Variants in PDE4D observed in about 807,000 individuals in gnomAD.
PDE4D encodes the protein phosphodiesterase 4D.
In PDE4D, 24 loss-of-function variants were observed where a neutral mutation model predicts 87.4. The observed-to-expected ratio is 0.27, with a 90% CI of 0.20 to 0.39. The LOEUF is 0.39. Among genes scored for constraint, PDE4D ranks in the 10% least tolerant of loss-of-function variants. The pLI, the probability that PDE4D is intolerant of heterozygous loss-of-function variation, is 1.00. For synonymous variants in PDE4D, 384 were observed against 383.2 expected, an observed-to-expected ratio of 1.00 and a Z score of -0.02; for missense variants, 714 against 1,041.0, an observed-to-expected ratio of 0.69 and a Z score of 4.32.
At chr5:59,079,205 AG>A (rs1041650554) in intron 5 of PDE4D, among the ~76,000 whole-genome samples, 34 of 152,226 alleles carry the variant, frequency 2.2e-4, no homozygotes, top group African/African-American at 8.0e-4. Flanking sequence ...AGCATGAAAA[AG>A]GACTTTCTCA....
intron 1 of PDE4D, among the ~76,000 whole-genome samples, chr5:59,648,736 T>A (rs796087312): frequency 1.1e-4 from 15 of 142,578 alleles, no homozygotes; most frequent in African/African-American, 3.9e-4. Flanking sequence ...AAAAAAAAAA[T>A]AAGGTTTAAT....
At chr5:59,631,654 T>G in intron 1 of PDE4D, among the ~76,000 whole-genome samples, 1 of 152,002 alleles carries the variant, frequency 6.6e-6, no homozygotes, top group East Asian at 1.9e-4. Context: ...GCTCGGGAAC[T>G]CCCTCCTCTA....
chr5:60,473,112 AGAGAG>A, intron 1 of PDE4D, among the ~76,000 whole-genome samples: 3 of 113,344 alleles, frequency 2.6e-5, no homozygotes, highest in Admixed American at 2.5e-4. Context: ...AAAGAAAGAG[AGAGAG>A]AGAAAGAAAG....
At chr5:60,345,446 TAATAAATA>T (rs35806424) in intron 1 of PDE4D, among the ~76,000 whole-genome samples, 11 of 148,350 alleles carry the variant, frequency 7.4e-5, no homozygotes, top group Non-Finnish European at 4.5e-5. Flanking sequence ...TAAAGTATAA[TAATAAATA>T]AATAAATAAA....
chr5:60,512,739 C>G (rs779608501), intron 1 of PDE4D, among the ~76,000 whole-genome samples: 1 of 152,086 alleles, frequency 6.6e-6, no homozygotes, highest in Non-Finnish European at 1.5e-5. Flanking sequence ...TGAGAGATTC[C>G]TCAGCAGCTT....
chr5:59,991,137 G>A (rs1582076021), intron 2 of PDE4D, among the ~76,000 whole-genome samples: 1 of 152,248 alleles, frequency 6.6e-6, no homozygotes, highest in East Asian at 1.9e-4. Flanking sequence ...CATTAGAAAT[G>A]AATGACAATC....
intron 1 of PDE4D, among the ~76,000 whole-genome samples, chr5:60,421,332 T>C (rs1743081175): frequency 6.6e-6 from 1 of 152,152 alleles, no homozygotes; most frequent in Non-Finnish European, 1.5e-5. Context: ...GCACGAAGCT[T>C]ATGGAGGAAG....
upstream of PDE4D, among the ~76,000 whole-genome samples, chr5:59,894,564 G>T (rs781000645): frequency 1.3e-5 from 2 of 152,130 alleles, no homozygotes; most frequent in African/African-American, 2.4e-5. Flanking sequence ...AAATCAAGGC[G>T]AGTCGTCCTT....
intron 1 of PDE4D, among the ~76,000 whole-genome samples, chr5:59,297,851 C>G (rs755496351): frequency 3.9e-5 from 6 of 152,074 alleles, no homozygotes; most frequent in Non-Finnish European, 5.9e-5. Flanking sequence ...AGGCAATTTC[C>G]TTGAGAAGAA....
chr5:59,717,433 A>C (rs539822877), intron 1 of PDE4D, among the ~76,000 whole-genome samples: 111 of 152,348 alleles, frequency 7.3e-4, no homozygotes, highest in African/African-American at 2.6e-3. Context: ...ATTTCTTATA[A>C]ATACTGTTTG....
chr5:60,416,472 C>T (rs554027564), intron 1 of PDE4D, among the ~76,000 whole-genome samples: 11 of 152,102 alleles, frequency 7.2e-5, no homozygotes, highest in African/African-American at 2.7e-4. Context: ...CCAGCGAGAC[C>T]ACAAACCCAC....
At chr5:60,444,939 G>T (rs1275828331) in intron 1 of PDE4D, among the ~76,000 whole-genome samples, 1 of 151,028 alleles carries the variant, frequency 6.6e-6, no homozygotes, top group African/African-American at 2.4e-5. Context: ...TCACCGAAAT[G>T]GTGTCTACAA....
chr5:59,401,333 C>T (rs1226902983), intron 1 of PDE4D, among the ~76,000 whole-genome samples: 3 of 152,094 alleles, frequency 2.0e-5, no homozygotes, highest in Non-Finnish European at 4.4e-5. Flanking sequence ...TAGACCTGCA[C>T]ACCTGTAGAT....
chr5:60,055,137 C>T (rs180696626), intron 2 of PDE4D, among the ~76,000 whole-genome samples: 14 of 152,006 alleles, frequency 9.2e-5, no homozygotes, highest in East Asian at 7.7e-4. Context: ...TTGGCAGCTC[C>T]GAGAGACCAG....
intron 1 of PDE4D, among the ~76,000 whole-genome samples, chr5:59,331,715 C>T (rs1776759357): frequency 6.6e-6 from 1 of 152,164 alleles, no homozygotes; most frequent in African/African-American, 2.4e-5. Flanking sequence ...GAATCCAAGG[C>T]CTGTTGCCCC....
chr5:60,164,173 T>C (rs1782700665), intron 2 of PDE4D, among the ~76,000 whole-genome samples: 1 of 152,066 alleles, frequency 6.6e-6, no homozygotes, highest in South Asian at 2.1e-4. Flanking sequence ...CTCAATATGA[T>C]GACAAATCAA....
At chr5:59,783,160 T>G (rs113533955) in intron 1 of PDE4D, among the ~76,000 whole-genome samples, 84 of 152,330 alleles carry the variant, frequency 5.5e-4, no homozygotes, top group Non-Finnish European at 9.7e-4. Flanking sequence ...TTGGTATTCT[T>G]CCATCTACAG....
At chr5:60,093,963 T>C (rs1231711893) in intron 2 of PDE4D, among the ~76,000 whole-genome samples, 1 of 152,206 alleles carries the variant, frequency 6.6e-6, no homozygotes, top group African/African-American at 2.4e-5. Context: ...GAATAAGTTT[T>C]GAGTTTTTTC....
intron 3 of PDE4D, among the ~76,000 whole-genome samples, chr5:59,943,401 A>G (rs1325707765): frequency 6.6e-6 from 1 of 152,168 alleles, no homozygotes; most frequent in Non-Finnish European, 1.5e-5. Context: ...CTAATATCAT[A>G]GATATCTCTT....
Sources: allele counts gnomAD v4.1 joint callset (sites outside exome capture counted in the v4.1 genomes callset), GRCh38; gene constraint gnomAD v4.1.1; transcripts MANE v1.5; gene names NCBI Gene and HGNC (gene_info 2026-07-23, HGNC 2026-07-21).